Variants in TMTC1 observed in about 807,000 individuals in gnomAD.
TMTC1 encodes the protein protein O-mannosyl-transferase TMTC1.
A neutral mutation model predicts 104.8 loss-of-function variants in TMTC1; 73 were observed. That is an observed-to-expected ratio of 0.70 (90% CI 0.58 to 0.85). The LOEUF is 0.85. Ranked by LOEUF, TMTC1 falls within the 40% of genes least tolerant of loss-of-function variation. The probability of loss-of-function intolerance (pLI) is 0.00; values close to 1 mark genes in which losing one functional copy is unlikely to be tolerated. For missense variants in TMTC1, 1,035 were observed against 1,096.1 expected (o/e 0.94, Z 0.79); for synonymous variants, 434 against 428.7 (o/e 1.01, Z -0.15).
chr12:29,735,245 T>C (rs371785639), intron 5 of TMTC1, among the ~76,000 whole-genome samples: 3 of 152,198 alleles, frequency 2.0e-5, no homozygotes, highest in African/African-American at 7.2e-5. Context: ...AGCTTTCTGC[T>C]TGCACAGGAA....
intron 5 of TMTC1, among the ~76,000 whole-genome samples, chr12:29,731,092 T>A (rs1338941622): frequency 1.3e-5 from 2 of 152,218 alleles, no homozygotes; most frequent in Non-Finnish European, 2.9e-5. Context: ...TTTCTGTCAG[T>A]GAACTCGTTT....
intron 11 of TMTC1, among the ~76,000 whole-genome samples, chr12:29,527,787 A>G (rs906209413): frequency 2.6e-5 from 4 of 152,176 alleles, no homozygotes; most frequent in Non-Finnish European, 5.9e-5. Flanking sequence ...ATAGGCAAAG[A>G]GATTATCTTT....
chr12:29,643,511 TATATA>T (rs201100365), intron 5 of TMTC1, among the ~76,000 whole-genome samples: 16,806 of 83,730 alleles, frequency 0.2, 1,867 homozygotes, highest in Non-Finnish European at 0.22. Flanking sequence ...ATATATTTTA[TATATA>T]ATATAATATA....
At chr12:29,772,520 T>C (rs2120568201) in intron 1 of TMTC1, among the ~76,000 whole-genome samples, 1 of 152,294 alleles carries the variant, frequency 6.6e-6, no homozygotes, top group South Asian at 2.1e-4. Context: ...AAATGCAAAG[T>C]ATTACAACAT....
chr12:29,679,033 G>A (rs921498643), intron 5 of TMTC1, among the ~76,000 whole-genome samples: 1 of 152,006 alleles, frequency 6.6e-6, no homozygotes, highest in Non-Finnish European at 1.5e-5. Context: ...AAAAAACCTG[G>A]ATACAACCTA....
chr12:29,589,516 T>C (rs1044393372), intron 7 of TMTC1, among the ~76,000 whole-genome samples: 14 of 152,214 alleles, frequency 9.2e-5, no homozygotes, highest in Non-Finnish European at 1.5e-5. Context: ...CCTGTGTTCC[T>C]AACACCTCAT....
At chr12:29,755,677 C>A (rs1440524846) in intron 4 of TMTC1, 32 bp downstream of exon 4, 3 of 1,593,596 alleles carry the variant, frequency 1.9e-6, no homozygotes, top group Non-Finnish European at 2.6e-6. Context: ...CCATGACATG[C>A]CATTTGATAT....
intron 6 of TMTC1, among the ~76,000 whole-genome samples, chr12:29,604,908 C>T (rs1044173792): frequency 1.3e-5 from 2 of 151,876 alleles, no homozygotes; most frequent in African/African-American, 4.8e-5. Context: ...AATAAAAAAT[C>T]GTTATAATAA....
chr12:29,737,838 T>A (rs1423564678), intron 5 of TMTC1, among the ~76,000 whole-genome samples: 1 of 152,182 alleles, frequency 6.6e-6, no homozygotes, highest in Non-Finnish European at 1.5e-5. Context: ...GTGGTGACAG[T>A]TAATGAGCTG....
At chr12:29,521,566 C>A (rs3036148) in intron 11 of TMTC1, among the ~76,000 whole-genome samples, 4,961 of 89,624 alleles carry the variant, frequency 0.055, 144 homozygotes, top group Admixed American at 0.17. Flanking sequence ...TTCTTTCTTT[C>A]TTTTTTTTTT....
intron 5 of TMTC1, among the ~76,000 whole-genome samples, chr12:29,726,429 T>C (rs543549524): frequency 6.6e-5 from 10 of 152,272 alleles, no homozygotes; most frequent in Middle Eastern, 3.4e-3. Flanking sequence ...CCAATCTTAA[T>C]ATAACCCCAG....
chr12:29,784,089 G>C (rs1943904551), upstream of TMTC1, among the ~76,000 whole-genome samples: 1 of 151,242 alleles, frequency 6.6e-6, no homozygotes, highest in South Asian at 2.1e-4. Context: ...GGCCCGCCTT[G>C]CTTGCAGGTG....
At chr12:29,522,428 T>A (rs947074471) in intron 11 of TMTC1, among the ~76,000 whole-genome samples, 1 of 152,156 alleles carries the variant, frequency 6.6e-6, no homozygotes, top group African/African-American at 2.4e-5. Context: ...TATATGTTTT[T>A]TAATTGCCAA....
At chr12:29,736,492 T>C (rs887169044) in intron 5 of TMTC1, among the ~76,000 whole-genome samples, 1 of 152,104 alleles carries the variant, frequency 6.6e-6, no homozygotes, top group African/African-American at 2.4e-5. Context: ...CGATCTGGGC[T>C]CACTGCAACC....
intron 9 of TMTC1, among the ~76,000 whole-genome samples, chr12:29,570,998 AT>A (rs1945661295): frequency 6.6e-6 from 1 of 152,078 alleles, no homozygotes; most frequent in Admixed American, 6.5e-5. Flanking sequence ...GATAAGCAAT[AT>A]TCTTGTGTAA....
At chr12:29,725,678 A>G (rs1195780224) in intron 5 of TMTC1, among the ~76,000 whole-genome samples, 1 of 152,224 alleles carries the variant, frequency 6.6e-6, no homozygotes. Context: ...TACATGCTCT[A>G]TGGAGACAAG....
chr12:29,568,818 G>A, intron 9 of TMTC1: 1 of 427,566 alleles, frequency 2.3e-6, no homozygotes, highest in South Asian at 1.6e-5. Flanking sequence ...TGTAGGAAGG[G>A]CTGACTTGTT....
rs201476511 is a variant in TMTC1, at chr12:29,517,437, C to T, written c.2159G>A (p.Arg720His). 10 of 1,613,934 alleles carry T rather than the reference C, an allele frequency of 6.2e-6. No homozygotes were observed. Among genetic ancestry groups the T allele is most frequent in the East Asian group, 2.2e-5 (1 of 44,880 alleles). The change falls in exon 14 of 18, where the codon CGC (arginine) becomes CAC (histidine). Residue 720 changes from arginine (R) to histidine (H), a missense_variant. Physicochemically the swap from Arg to His is conservative, Grantham distance 29. Coordinates refer to ENST00000539277, the MANE Select transcript of TMTC1 (RefSeq NM_001193451.2). ...TTTCATCCTACTCACCAGTGCCAAG[C>T]GGAGCTCCCTCTGAGAAGGCTGAAG... ...AALQPSQREL[R>H]LALAQVLAVM...
intron 11 of TMTC1, chr12:29,520,994 G>A: frequency 3.6e-6 from 1 of 278,672 alleles, no homozygotes; most frequent in South Asian, 7.4e-5. Flanking sequence ...ATATGGACCT[G>A]TACAACATGC....
Sources: gnomAD v4.1 joint callset for allele counts (sites outside exome capture counted in the v4.1 genomes callset) on GRCh38, gnomAD v4.1.1 for gene constraint, MANE v1.5 for transcripts, NCBI Gene and HGNC (gene_info 2026-07-23, HGNC 2026-07-21) for gene names.